WDR35: variants seen among roughly 807,000 people sequenced by gnomAD.
WDR35 encodes WD repeat-containing protein 35.
A neutral mutation model predicts 158.3 loss-of-function variants in WDR35; 118 were observed. The observed-to-expected ratio is 0.75, with a 90% CI of 0.64 to 0.87. The LOEUF is 0.87. Ranked by LOEUF, WDR35 falls within the 40% of genes least tolerant of loss-of-function variation. The probability of loss-of-function intolerance (pLI) is 0.00; values close to 1 mark genes in which losing one functional copy is unlikely to be tolerated. For synonymous variants in WDR35, 448 were observed against 476.1 expected, an observed-to-expected ratio of 0.94 and a Z score of 0.77; for missense variants, 1,263 against 1,405.8, an observed-to-expected ratio of 0.90 and a Z score of 1.62.
At chr2:19,930,111 A>T (rs974761770) in intron 25 of WDR35, among the ~76,000 whole-genome samples, 69 of 151,170 alleles carry the variant, frequency 4.6e-4, no homozygotes, top group Admixed American at 4.5e-3. Flanking sequence ...TCTCCAAAAA[A>T]TATGAACTTG....
intron 16 of WDR35, among the ~76,000 whole-genome samples, chr2:19,944,735 C>CT (rs1670993210): frequency 6.6e-6 from 1 of 152,056 alleles, no homozygotes. Context: ...CCTTTGAGAG[C>CT]ACTTTACATC....
Position 19,912,374 on chromosome 2 carries a change from G to C in WDR35, c.*1184C>G, listed in dbSNP as rs1344336420. 6.6e-6 allele frequency: 1 copy of C among 152,080 alleles called. No homozygotes were observed. The highest frequency in any genetic ancestry group is 1.5e-5 in the Non-Finnish European group (1 of 68,006). The allele number at this position is 152,080 out of a possible 1,614,324, so 9.4% of individuals were successfully genotyped here. On this transcript the variant is annotated 3_prime_UTR_variant, in exon 27 of 27. Coordinates refer to ENST00000281405, the MANE Select transcript of WDR35 (RefSeq NM_020779.4). ...GAGACAGAGACCTCAAAGACTTCTG[G>C]TCTTCTCTTTTTATTTAGGCCAATG... is the stretch of plus-strand genomic sequence containing the variant.
chr2:19,978,843 T>G lies in WDR35; in HGVS notation c.344A>C (p.Lys115Thr). Residue 115 changes from lysine (K) to threonine (T), a missense_variant, in exon 5 of 27, where the codon AAA (lysine) becomes ACA (threonine). Lys to Thr is a moderately conservative substitution (Grantham distance 78). Coordinates refer to ENST00000281405, the MANE Select transcript of WDR35 (RefSeq NM_020779.4). ...WIEEMINNRN[K>T]SVVRSMSWNA... Reference sequence around the variant, plus strand: ...CCAGCTCATACTGCGAACAACTGATTTATTTCGATTGTTGATCATCTCCTC... The same window carrying G: ...CCAGCTCATACTGCGAACAACTGATGTATTTCGATTGTTGATCATCTCCTC... 1 of 1,613,828 alleles carries G rather than the reference T, an allele frequency of 6.2e-7. No homozygotes were observed. The highest frequency in any genetic ancestry group is 8.5e-7 in the Non-Finnish European group (1 of 1,179,848).
chr2:19,980,020 T>G (rs1469813800), intron 4 of WDR35, among the ~76,000 whole-genome samples: 1 of 152,134 alleles, frequency 6.6e-6, no homozygotes, highest in Non-Finnish European at 1.5e-5. Context: ...TAATCCTTCT[T>G]TTACTCACCC....
intron 12 of WDR35, among the ~76,000 whole-genome samples, chr2:19,953,518 C>T (rs1399601505): frequency 1.3e-5 from 2 of 152,154 alleles, no homozygotes; most frequent in African/African-American, 2.4e-5. Flanking sequence ...TTAGATCCTT[C>T]GATCTCAAGT....
chr2:19,955,451 G>C (rs1165012648), intron 11 of WDR35, among the ~76,000 whole-genome samples: 1 of 152,118 alleles, frequency 6.6e-6, no homozygotes, highest in Non-Finnish European at 1.5e-5. Context: ...TTATGAAGTA[G>C]ATAGTCTCAT....
Position 19,910,721 on chromosome 2 carries a change from A to G in WDR35, c.*2837T>C, listed in dbSNP as rs1386914278. On this transcript the variant is annotated 3_prime_UTR_variant, in exon 27 of 27. Transcript: ENST00000281405. ...TTTTCTTTGTCCCCCTAGTCAAGGG[A>G]GAGTTTGTTAGTGTTGTTATCTGGA... is the stretch of plus-strand genomic sequence containing the variant. 1 of 152,096 alleles carries G rather than the reference A, an allele frequency of 6.6e-6. No individual in the cohort carries two copies. Among genetic ancestry groups the G allele is most frequent in the East Asian group, 1.9e-4 (1 of 5,186 alleles). The allele number at this position is 152,096 out of a possible 1,614,324, so 9.4% of individuals were successfully genotyped here. A position where few individuals can be genotyped will look rare whatever the true frequency, so the allele number is the denominator to read the frequency against.
chr2:19,930,680 C>CTT, intron 24 of WDR35, 128 bp from the exon 25 acceptor site: 6 of 1,252,860 alleles, frequency 4.8e-6, no homozygotes, highest in Non-Finnish European at 5.5e-6. Context: ...TGATTACAGA[C>CTT]TTTTTTTTTT....
rs767858165 is a variant in WDR35, at chr2:19,913,623, C to T, written c.3448G>A (p.Gly1150Ser). Reference protein sequence around the residue: ...QFWMCSVCKHGVLAQEISHYS... With the variant: ...QFWMCSVCKHSVLAQEISHYS... ...TGGCTTATTTCCTGAGCAAGGACACCGTGTTTGCATACACTGCACATCCAG... is the reference window on the plus strand; with the variant it reads ...TGGCTTATTTCCTGAGCAAGGACACTGTGTTTGCATACACTGCACATCCAG... Residue 1150 changes from glycine (G) to serine (S), a missense_variant, in exon 27 of 27, where the codon GGT (glycine) becomes AGT (serine). Physicochemically the swap from Gly to Ser is moderately conservative, Grantham distance 56. Coordinates refer to ENST00000281405, the MANE Select transcript of WDR35 (RefSeq NM_020779.4). The T allele has an allele frequency of 2.4e-5, 38 of 1,613,888 alleles. No homozygotes were observed. Among genetic ancestry groups the T allele is most frequent in the Non-Finnish European group, 3.1e-5 (36 of 1,179,966 alleles).
chr2:19,940,207 AAC>A (rs1331334446), intron 17 of WDR35, among the ~76,000 whole-genome samples: 1 of 150,622 alleles, frequency 6.6e-6, no homozygotes, highest in Non-Finnish European at 1.5e-5. Flanking sequence ...AAAAAAAAAA[AAC>A]ACAAAAAATT....
Position 19,937,906 on chromosome 2 carries a change from A to T in WDR35, c.2104T>A (p.Tyr702Asn). ...CGCACAAATGCTTGCTCTGCAGTGT[A>T]TAGATCCAGTTTCTGAAGAGCTGCT... ...AEAALQKLDL[Y>N]TAEQAFVRCK... The change falls in exon 19 of 27, where the codon TAC becomes AAC. Residue 702 changes from tyrosine to asparagine, a missense_variant. Coordinates refer to ENST00000281405, the MANE Select transcript of WDR35 (RefSeq NM_020779.4). 1 of 1,614,152 alleles carries T rather than the reference A, an allele frequency of 6.2e-7. No homozygotes were observed. The highest frequency in any genetic ancestry group is 8.5e-7 in the Non-Finnish European group (1 of 1,180,008).
At chr2:19,962,264 C>T in intron 10 of WDR35, 1 of 1,612,184 alleles carries the variant, frequency 6.2e-7, no homozygotes, top group Non-Finnish European at 8.5e-7. Context: ...ATCCTATGAT[C>T]AGCTATATAA....
At chr2:19,915,844 T>C (rs904864596) in intron 25 of WDR35, among the ~76,000 whole-genome samples, 6 of 151,304 alleles carry the variant, frequency 4.0e-5, no homozygotes, top group African/African-American at 1.5e-4. Context: ...CTAAAAAAGT[T>C]GACCTCGTGG....
chr2:19,948,520 A>G (rs990032458), intron 13 of WDR35, among the ~76,000 whole-genome samples: 1 of 152,302 alleles, frequency 6.6e-6, no homozygotes, highest in African/African-American at 2.4e-5. Context: ...CAGAGAAAGG[A>G]GTACCTAACT....
chr2:19,913,657 C>T lies in WDR35; in HGVS notation c.3414G>A (p.Glu1138=). 1.2e-6 allele frequency: 2 copies of T among 1,614,102 alleles called. No individual in the cohort carries two copies. Among genetic ancestry groups the T allele is most frequent in the Non-Finnish European group, 1.7e-6 (2 of 1,179,986 alleles). ...TCVATGSPIT[E]YQFWMCSVCK... is the part of the protein sequence containing the mutation. ...ATACACTGCACATCCAGAATTGATA[C>T]TCAGTGATTGGGCTTCCTGTGGCAA... Residue 1138 remains glutamate, a synonymous_variant, in exon 27 of 27, where the codon GAG becomes GAA. Coordinates refer to ENST00000281405, the MANE Select transcript of WDR35 (RefSeq NM_020779.4).
rs1457515656 is a variant in WDR35 at position 19,938,403 on chromosome 2, TAAAAGTAAAGATGAAAACAAAAA to T, written c.1927-25_1927-3del. 6.2e-7 allele frequency: 1 copy of T among 1,613,638 alleles called. No homozygotes were observed. Among genetic ancestry groups the T allele is most frequent in the South Asian group, 1.1e-5 (1 of 91,038 alleles). ...ATCCTTGTTTGGATGTTCTGGATCC[TAAAAGTAAAGATGAAAACAAAAA>T]AATTCAAATATTTGCCGTTAGAGTA... On this transcript the variant is annotated splice_region_variant and splice_polypyrimidine_tract_variant and intron_variant, in intron 17 of 26. Transcript: ENST00000281405.
Position 19,946,462 on chromosome 2 carries a change from T to C in WDR35, c.1633A>G (p.Ser545Gly). Residue 545 changes from serine to glycine, a missense_variant and splice_region_variant, in exon 15 of 27, where the codon AGC becomes GGC. Transcript: ENST00000281405. ...AYQLSLNCNS[S>G]RLAIIDISGV... Reference sequence around the variant, plus strand: ...CATGAGCAGAGTTTTCAGGCTTACCTAGAGTTGCAATTCAAGGATAACTGG... The same window carrying C: ...CATGAGCAGAGTTTTCAGGCTTACCCAGAGTTGCAATTCAAGGATAACTGG... 1 of 1,612,804 alleles carries C rather than the reference T, an allele frequency of 6.2e-7. No homozygotes were observed. The highest frequency in any genetic ancestry group is 8.5e-7 in the Non-Finnish European group (1 of 1,178,990).
chr2:19,919,398 AGAAAAGAAAAAG>A lies in WDR35; in HGVS notation c.3122-5133_3122-5122del, dbSNP rs1670094816. Reference sequence around the variant, plus strand: ...TCCATCTCAAAAAAAAAAAAAAAAAAGAAAAGAAAAAGAAAAAGAAAAAAAAAGAAACTCATC... The same window carrying A: ...TCCATCTCAAAAAAAAAAAAAAAAAAAAAAAGAAAAAAAAAGAAACTCATC... On this transcript the variant is annotated intron_variant, in intron 25 of 26. Transcript: ENST00000281405. Among the ~76,000 whole-genome samples the A allele has an allele frequency of 4.8e-5, 4 of 83,650 alleles. No individual in the cohort carries two copies. In the East Asian group the frequency reaches 1.5e-3, roughly 31 times the overall value. 54.9% of individuals were successfully genotyped at this position (83,650 alleles called of 152,430 possible).
chr2:19,950,190 T>C lies in WDR35; in HGVS notation c.1470+1225A>G, dbSNP rs187200452. Among the ~76,000 whole-genome samples, 140 of 152,148 alleles carry C rather than the reference T, an allele frequency of 9.2e-4. 1 individual carries two copies. The highest frequency in any genetic ancestry group is 3.2e-3 in the African/African-American group (134 of 41,484). Reference sequence around the variant, plus strand: ...CAATAAGTGATGCATAGATGAACCCTTGACAAAGAAGACTCAGAAGGAAAA... The same window carrying C: ...CAATAAGTGATGCATAGATGAACCCCTGACAAAGAAGACTCAGAAGGAAAA... On this transcript the variant is annotated intron_variant, in intron 13 of 26. Transcript: ENST00000281405.
Sources: gnomAD v4.1 joint callset for allele counts (sites outside exome capture counted in the v4.1 genomes callset) on GRCh38, gnomAD v4.1.1 for gene constraint, MANE v1.5 for transcripts, NCBI Gene and HGNC (gene_info 2026-07-23, HGNC 2026-07-21) for gene names.